The following C3orf70 variants were observed in gnomAD, a reference collection of about 807,000 sequenced individuals.
The protein encoded by C3orf70 is UPF0524 protein C3orf70.
Under a neutral mutation model 20.7 loss-of-function variants are expected in C3orf70, and 15 were observed. That is an observed-to-expected ratio of 0.72 (90% CI 0.48 to 1.11). C3orf70 has a LOEUF of 1.11. C3orf70 is among the 50% of genes most tolerant of loss of function. The pLI is 0.00. For synonymous variants in C3orf70, 161 were observed against 125.7 expected, an observed-to-expected ratio of 1.28 and a Z score of -1.88; for missense variants, 332 against 317.6, an observed-to-expected ratio of 1.05 and a Z score of -0.34.
At chr3:185,152,519 C>G in intron 1 of C3orf70, 109 bp downstream of exon 1, 1 of 979,506 alleles carries the variant, frequency 1.0e-6, no homozygotes. Flanking sequence ...AGAGCAGCCC[C>G]GGCAGAGCCC....
At chr3:185,148,406 C>G (rs967711560) in intron 1 of C3orf70, among the ~76,000 whole-genome samples, 1 of 152,166 alleles carries the variant, frequency 6.6e-6, no homozygotes, top group African/African-American at 2.4e-5. Context: ...AAGCAGAATT[C>G]TAGAAGTTAA....
intron 1 of C3orf70, among the ~76,000 whole-genome samples, chr3:185,085,451 T>C (rs1280603162): frequency 6.6e-6 from 1 of 152,140 alleles, no homozygotes; most frequent in Non-Finnish European, 1.5e-5. Flanking sequence ...CAAATTACTC[T>C]AAAAAGACCT....
intron 1 of C3orf70, among the ~76,000 whole-genome samples, chr3:185,150,015 T>G (rs1298341217): frequency 1.3e-5 from 2 of 150,770 alleles, no homozygotes; most frequent in East Asian, 1.9e-4. Flanking sequence ...TAATTTCTTG[T>G]TTTTTTTTAA....
chr3:185,111,404 T>G (rs1469346097), intron 1 of C3orf70, among the ~76,000 whole-genome samples: 1 of 152,196 alleles, frequency 6.6e-6, no homozygotes, highest in Non-Finnish European at 1.5e-5. Context: ...GAAGACAATC[T>G]AATTTTAAAA....
intron 1 of C3orf70, among the ~76,000 whole-genome samples, chr3:185,104,010 G>A (rs1715874491): frequency 6.6e-6 from 1 of 152,196 alleles, no homozygotes; most frequent in African/African-American, 2.4e-5. Flanking sequence ...ACACAGATAA[G>A]GGAGAGTTAT....
At position 185,082,729 on chromosome 3, in the gene C3orf70, A is replaced by G. The variant is rs1414293264; in HGVS notation, c.*278T>C. Reference sequence around the variant, plus strand: ...CTGCGACCATCACTTCACCGCCTTCAAATCTCCCAGTGAAATTAAGGCGGG... The same window carrying G: ...CTGCGACCATCACTTCACCGCCTTCGAATCTCCCAGTGAAATTAAGGCGGG... On this transcript the variant is annotated 3_prime_UTR_variant, in exon 2 of 2. Transcript: ENST00000335012. The G allele has an allele frequency of 5.2e-6, 2 of 383,290 alleles. No homozygotes were observed. The highest frequency in any genetic ancestry group is 9.4e-6 in the Non-Finnish European group (2 of 212,804). The allele number at this position is 383,290 out of a possible 1,614,324, so 23.7% of individuals were successfully genotyped here.
chr3:185,128,264 C>T (rs1019743214), intron 1 of C3orf70, among the ~76,000 whole-genome samples: 1 of 152,170 alleles, frequency 6.6e-6, no homozygotes, highest in Non-Finnish European at 1.5e-5. Flanking sequence ...TGTGGTGGCT[C>T]ATGCCTGTAA....
At position 185,096,862 on chromosome 3, in the gene C3orf70, T is replaced by C. The variant is rs970532996; in HGVS notation, c.197-13299A>G. 1.1e-4 allele frequency among the ~76,000 whole-genome samples: 17 copies of C among 152,260 alleles called. 1 individual carries two copies. The highest frequency in any genetic ancestry group is 3.4e-4 in the African/African-American group (14 of 41,554). On this transcript the variant is annotated intron_variant, in intron 1 of 1. Transcript: ENST00000335012. ...GCTGATTGCCTGTGCCCACCTGCACTGCAGAGGGCCGCTTCCTGCTTGCCA... is the reference window on the plus strand; with the variant it reads ...GCTGATTGCCTGTGCCCACCTGCACCGCAGAGGGCCGCTTCCTGCTTGCCA...
intron 1 of C3orf70, among the ~76,000 whole-genome samples, chr3:185,147,911 T>C (rs1716909258): frequency 6.6e-6 from 1 of 152,220 alleles, no homozygotes; most frequent in Non-Finnish European, 1.5e-5. Flanking sequence ...CAATATCTAA[T>C]AATTAGCCTG....
intron 1 of C3orf70, among the ~76,000 whole-genome samples, chr3:185,145,627 C>A (rs1229757084): frequency 6.6e-6 from 1 of 152,210 alleles, no homozygotes; most frequent in Non-Finnish European, 1.5e-5. Context: ...ACTATACCTT[C>A]AGTGGAACCA....
intron 1 of C3orf70, among the ~76,000 whole-genome samples, chr3:185,145,803 A>C (rs551468460): frequency 6.6e-6 from 1 of 152,362 alleles, no homozygotes; most frequent in East Asian, 1.9e-4. Flanking sequence ...TAAATGAGCA[A>C]ACACATACGA....
chr3:185,094,773 A>C (rs1715667379), intron 1 of C3orf70, among the ~76,000 whole-genome samples: 1 of 152,162 alleles, frequency 6.6e-6, no homozygotes. Context: ...ATACTTATCC[A>C]CCTGGAGCTA....
At chr3:185,092,144 C>G (rs1364237584) in intron 1 of C3orf70, among the ~76,000 whole-genome samples, 7 of 151,206 alleles carry the variant, frequency 4.6e-5, no homozygotes, top group Admixed American at 3.3e-4. Flanking sequence ...TCAGTTTCCT[C>G]TAGTAAAAGT....
intron 1 of C3orf70, among the ~76,000 whole-genome samples, chr3:185,117,357 G>C (rs1166218629): frequency 6.6e-6 from 1 of 150,858 alleles, no homozygotes; most frequent in Non-Finnish European, 1.5e-5. Flanking sequence ...GAAATCTTTA[G>C]AAGCCATGCC....
At chr3:185,096,590 G>A (rs1715713670) in intron 1 of C3orf70, among the ~76,000 whole-genome samples, 1 of 152,140 alleles carries the variant, frequency 6.6e-6, no homozygotes, top group Non-Finnish European at 1.5e-5. Context: ...ACACTTTCTT[G>A]GTGGAGGGTG....
chr3:185,140,882 C>T (rs1298287588), intron 1 of C3orf70, among the ~76,000 whole-genome samples: 20 of 150,670 alleles, frequency 1.3e-4, no homozygotes, highest in African/African-American at 2.7e-4. Flanking sequence ...GCAGGAGAAT[C>T]GCTTGAACCC....
intron 1 of C3orf70, among the ~76,000 whole-genome samples, chr3:185,102,555 C>A (rs1474968815): frequency 3.9e-5 from 6 of 152,152 alleles, no homozygotes; most frequent in Non-Finnish European, 7.4e-5. Context: ...ACTAGAAAAT[C>A]TATTTTAAAA....
chr3:185,094,653 G>C (rs1290179026), intron 1 of C3orf70, among the ~76,000 whole-genome samples: 1 of 151,214 alleles, frequency 6.6e-6, no homozygotes, highest in Admixed American at 6.6e-5. Context: ...GAAACTTCTG[G>C]TAGATTAAAA....
At chr3:185,100,036 A>G (rs1033879730) in intron 1 of C3orf70, among the ~76,000 whole-genome samples, 1 of 152,236 alleles carries the variant, frequency 6.6e-6, no homozygotes, top group African/African-American at 2.4e-5. Context: ...CCAACACAGG[A>G]GCACCCAGAT....
Sources: allele counts gnomAD v4.1 joint callset (sites outside exome capture counted in the v4.1 genomes callset), GRCh38; gene constraint gnomAD v4.1.1; transcripts MANE v1.5; gene names NCBI Gene and HGNC (gene_info 2026-07-23, HGNC 2026-07-21).